KIAA1210: variants seen among roughly 807,000 people sequenced by gnomAD.
The protein encoded by KIAA1210 is acrosomal protein KIAA1210.
In KIAA1210, 48 loss-of-function variants were observed where a neutral mutation model predicts 78.9. The ratio of observed to expected loss-of-function variants is 0.61; its 90% CI spans 0.48 to 0.77. KIAA1210 has a LOEUF of 0.77. KIAA1210 is among the 30% of genes least tolerant of loss of function. The probability of loss-of-function intolerance (pLI) is 0.00; values close to 1 mark genes in which losing one functional copy is unlikely to be tolerated. For missense variants in KIAA1210, 1,108 were observed against 1,100.0 expected, an observed-to-expected ratio of 1.01 and a Z score of -0.10; for synonymous variants, 406 against 404.5, an observed-to-expected ratio of 1.00 and a Z score of -0.04.
chrX:119,108,484 G>A lies in KIAA1210; in HGVS notation c.358-13C>T, dbSNP rs1397705710. Reference sequence around the variant, plus strand: ...AAATATGGGATCTCTGTGTAAGAGAGAGAGAAAAAAACTTGAGGATTGGTA... The same window carrying A: ...AAATATGGGATCTCTGTGTAAGAGAAAGAGAAAAAAACTTGAGGATTGGTA... On this transcript the variant is annotated splice_polypyrimidine_tract_variant and intron_variant, in intron 4 of 11. Coordinates refer to ENST00000691062, the MANE Select transcript of KIAA1210 (RefSeq NM_001394962.1). The A allele has an allele frequency of 4.2e-6, 5 of 1,194,974 alleles. No individual in the cohort carries two copies. Among genetic ancestry groups the A allele is most frequent in the Admixed American group, 4.8e-5 (2 of 41,899 alleles).
At chrX:119,095,860 C>A (rs186099620) in intron 7 of KIAA1210, among the ~76,000 whole-genome samples, 2 of 112,024 alleles carry the variant, frequency 1.8e-5, no homozygotes, top group African/African-American at 3.2e-5. Context: ...TTGAGGTGGG[C>A]AAGGTTCTTG....
intron 2 of KIAA1210, among the ~76,000 whole-genome samples, chrX:119,117,489 T>C (rs1401872776): frequency 2.7e-5 from 3 of 111,226 alleles, no homozygotes; most frequent in Non-Finnish European, 5.7e-5. Context: ...GAGAGTTTGC[T>C]CTATCTATAA....
upstream of KIAA1210, among the ~76,000 whole-genome samples, chrX:119,131,335 C>T (rs776941338): frequency 8.4e-4 from 94 of 111,252 alleles, no homozygotes; most frequent in African/African-American, 2.9e-3. Flanking sequence ...TACGTGGGAG[C>T]TAAACATTGC....
chrX:119,106,890 T>C lies in KIAA1210; in HGVS notation c.492+1447A>G, dbSNP rs146727998. Among the ~76,000 whole-genome samples the C allele has an allele frequency of 1.5e-3, 164 of 112,390 alleles. 1 individual carries two copies. The highest frequency in any genetic ancestry group is 4.8e-3 in the African/African-American group (150 of 30,961). ...TTAACAATCTCCTCGTTGTTCTGAA[T>C]GTCACTTAATCCATTAGAATCCTGC... On this transcript the variant is annotated intron_variant, in intron 5 of 11. Coordinates refer to ENST00000691062, the MANE Select transcript of KIAA1210 (RefSeq NM_001394962.1).
At chrX:119,107,011 C>A (rs1165738263) in intron 5 of KIAA1210, among the ~76,000 whole-genome samples, 1 of 112,326 alleles carries the variant, frequency 8.9e-6, no homozygotes, top group Admixed American at 9.4e-5. Flanking sequence ...TGCTATCAAC[C>A]ATCCTTCCAT....
At position 119,088,467 on chromosome X, in the gene KIAA1210, AG is replaced by A; in HGVS notation, c.2234del (p.Pro745LeufsTer16). Reference sequence around the variant, plus strand: ...TGGTGGGGACTTGTTGCTGAACAGTAGGATTCATAATGGGCTGAGAAGGGCA... The same window carrying A: ...TGGTGGGGACTTGTTGCTGAACAGTAGATTCATAATGGGCTGAGAAGGGCA... ...SRCPSQPIMN[P>X]TVQQQVPTSS... On this transcript the variant is annotated frameshift_variant, in exon 9 of 12. Transcript: ENST00000691062. LOFTEE classifies it high-confidence loss of function. The A allele has an allele frequency of 8.3e-7, 1 of 1,211,240 alleles. No homozygotes were observed. Among genetic ancestry groups the A allele is most frequent in the Non-Finnish European group, 1.1e-6 (1 of 895,200 alleles).
rs1929259374 is a variant in KIAA1210, at chrX:119,150,173, T to C, written c.289+118A>G. 7.8e-6 allele frequency: 6 copies of C among 772,023 alleles called. 1 individual carries two copies. The South Asian group carries it at 1.7e-4, about 21-fold the overall frequency. 63.6% of individuals were successfully genotyped at this position (772,023 alleles called of 1,213,427 possible). On this transcript the variant is annotated intron_variant, in intron 1 of 13. Coordinates refer to the KIAA1210 transcript ENST00000402510. Reference sequence around the variant, plus strand: ...AGAGAAGCTATAGCTTTGTCCAGTCTCTCTCCCTGGTCTGTCTGTTATATA... The same window carrying C: ...AGAGAAGCTATAGCTTTGTCCAGTCCCTCTCCCTGGTCTGTCTGTTATATA...
In KIAA1210 at chrX:119,080,599, G is replaced by T. The variant is rs1926916539; in HGVS notation, c.*730C>A. 8.9e-6 allele frequency: 1 copy of T among 112,210 alleles called. No homozygotes were observed. The highest frequency in any genetic ancestry group is 9.4e-5 in the Admixed American group (1 of 10,627). 9.2% of individuals were successfully genotyped at this position (112,210 alleles called of 1,213,427 possible). A position where few individuals can be genotyped will look rare whatever the true frequency, so the allele number is the denominator to read the frequency against. ...GTTTCCATTAGAATTACTTTATTTG[G>T]TTGAGGGAAATGACAATTTTCTAGT... On this transcript the variant is annotated 3_prime_UTR_variant, in exon 12 of 12. Transcript: ENST00000691062.
upstream of KIAA1210, among the ~76,000 whole-genome samples, chrX:119,130,330 T>C (rs964863269): frequency 8.9e-6 from 1 of 112,459 alleles, no homozygotes; most frequent in African/African-American, 3.2e-5. Flanking sequence ...GTTGTGCACT[T>C]GGCTTGGAAC....
chrX:119,081,359 T>C lies in KIAA1210; in HGVS notation c.4572A>G (p.Ala1524=). 1 of 1,207,084 alleles carries C rather than the reference T, an allele frequency of 8.3e-7. No homozygotes were observed. Among genetic ancestry groups the C allele is most frequent in the Non-Finnish European group, 1.1e-6 (1 of 893,417 alleles). The stretch of plus-strand genomic sequence containing the variant: ...GCGTGATTTCTGCCATGTGGCTCCA[T>C]GCTTTGGCTTTCTTCCTGGCCAGTG... ...WFSLARKKAK[A]WSHMAEITQ The change falls in exon 12 of 12, where the codon GCA becomes GCG. Residue 1524 remains alanine (A), a synonymous_variant. Transcript: ENST00000691062.
At position 119,108,938 on chromosome X, in the gene KIAA1210, G is replaced by C. The variant is rs7877363; in HGVS notation, c.357+138C>G. On this transcript the variant is annotated intron_variant, in intron 4 of 11. Transcript: ENST00000691062. ...ATATTTATACATTCTGTCACTCAAG[G>C]CTTACAACAGCCCTGTGGGGGTAGG... The C allele has an allele frequency of 4.5e-3, 2,556 of 567,932 alleles. 43 individuals are homozygous for C. The African/African-American group carries it at 0.049, about 11-fold the overall frequency. 46.8% of individuals were successfully genotyped at this position (567,932 alleles called of 1,213,427 possible).
At chrX:119,100,292 C>T (rs34111185) in intron 6 of KIAA1210, among the ~76,000 whole-genome samples, 4,426 of 100,272 alleles carry the variant, frequency 0.044, 337 homozygotes, top group African/African-American at 0.16. Flanking sequence ...ATTGTGCCAC[C>T]GCACTCCAGC....
Position 119,122,551 on chromosome X carries a change from T to C in KIAA1210, c.61+1031A>G, listed in dbSNP as rs139725996. Among the ~76,000 whole-genome samples, 341 of 112,511 alleles carry C rather than the reference T, an allele frequency of 3.0e-3. 4 individuals are homozygous for C. Among genetic ancestry groups the C allele is most frequent in the African/African-American group, 0.01 (324 of 31,005 alleles). On this transcript the variant is annotated intron_variant, in intron 2 of 11. Coordinates refer to ENST00000691062, the MANE Select transcript of KIAA1210 (RefSeq NM_001394962.1). ...GTTGCTACCACTCTTCATCAAGATA[T>C]CCTGTGCTGCCACCTTCTTTTATAG...
chrX:119,108,235 G>T, intron 5 of KIAA1210, 102 bp downstream of exon 5: 1 of 806,277 alleles, frequency 1.2e-6, no homozygotes, highest in Non-Finnish European at 1.8e-6. Flanking sequence ...TAATCAACTA[G>T]CCCAGGGGTC....
Position 119,087,758 on chromosome X carries a change from C to G in KIAA1210, c.2944G>C (p.Ala982Pro), listed in dbSNP as rs181240628. ...ISGSPLPPQY[A>P]TQFLKRSKVQ... ...TTAGACCTCTTTAAGAACTGGGTAG[C>G]ATATTGGGGAGGCAATGGACTCCCA... Residue 982 changes from alanine (A) to proline (P), a missense_variant, in exon 9 of 12, where the codon GCT becomes CCT. This residue lies in a region of KIAA1210 where 179 missense variants were observed against 174.1 expected (regional missense o/e 1.03). Transcript: ENST00000691062. 1 of 1,210,136 alleles carries G rather than the reference C, an allele frequency of 8.3e-7. No homozygotes were observed. Among genetic ancestry groups the G allele is most frequent in the African/African-American group, 1.7e-5 (1 of 57,256 alleles).
At position 119,121,774 on chromosome X, in the gene KIAA1210, A is replaced by AT. The variant is rs779380576; in HGVS notation, c.61+1807dup. On this transcript the variant is annotated intron_variant, in intron 2 of 11. Transcript: ENST00000691062. Reference sequence around the variant, plus strand: ...TTTATTTTTTTAGTTTTTATTTATTATTTTTTTTTTTTGAGACGGAGTCTC... The same window carrying AT: ...TTTATTTTTTTAGTTTTTATTTATTATTTTTTTTTTTTTGAGACGGAGTCTC... 3.1e-3 allele frequency among the ~76,000 whole-genome samples: 322 copies of AT among 105,334 alleles called. 3 individuals are homozygous for AT. The highest frequency in any genetic ancestry group is 5.0e-3 in the Admixed American group (49 of 9,858). 91.5% of individuals were successfully genotyped at this position (105,334 alleles called of 115,157 possible).
chrX:119,131,518 A>G (rs1191801643), upstream of KIAA1210, among the ~76,000 whole-genome samples: 2 of 112,354 alleles, frequency 1.8e-5, no homozygotes, highest in Non-Finnish European at 3.8e-5. Flanking sequence ...TTACCCATGT[A>G]ACAAACCTAC....
intron 1 of KIAA1210, among the ~76,000 whole-genome samples, chrX:119,149,283 G>C (rs898483247): frequency 9.0e-6 from 1 of 111,206 alleles, no homozygotes; most frequent in African/African-American, 3.3e-5. Context: ...TTACTGGCCT[G>C]GTCACCCCCT....
intron 3 of KIAA1210, among the ~76,000 whole-genome samples, chrX:119,113,695 A>T (rs754276385): frequency 8.9e-6 from 1 of 112,464 alleles, no homozygotes; most frequent in East Asian, 2.8e-4. Context: ...ATAGAAACAT[A>T]AAAATTTTAA....
Sources: allele counts gnomAD v4.1 joint callset (sites outside exome capture counted in the v4.1 genomes callset), GRCh38; gene constraint gnomAD v4.1.1; regional missense constraint gnomAD v4.1.1; transcripts MANE v1.5; gene names NCBI Gene and HGNC (gene_info 2026-07-23, HGNC 2026-07-21).